The following TMUB2 variants were observed in gnomAD, a reference collection of about 807,000 sequenced individuals.
TMUB2 encodes the protein transmembrane and ubiquitin-like domain-containing protein 2.
A neutral mutation model predicts 20.2 loss-of-function variants in TMUB2; 19 were observed. The observed-to-expected ratio is 0.94, with a 90% confidence interval of 0.66 to 1.38. The LOEUF (loss-of-function observed/expected upper bound fraction) is 1.38. TMUB2 is among the 40% of genes most tolerant of loss of function. The pLI, the probability that TMUB2 is intolerant of heterozygous loss-of-function variation, is 0.00. For missense variants in TMUB2, 426 were observed against 402.5 expected, an observed-to-expected ratio of 1.06 and a Z score of -0.50; for synonymous variants, 186 against 166.0, an observed-to-expected ratio of 1.12 and a Z score of -0.92.
chr17:44,191,458 T>G lies in TMUB2; in HGVS notation c.*594T>G. 1.0e-6 allele frequency: 1 copy of G among 985,820 alleles called. No homozygotes were observed. The highest frequency in any genetic ancestry group is 1.2e-6 in the Non-Finnish European group (1 of 829,942). 61.1% of individuals were successfully genotyped at this position (985,820 alleles called of 1,614,324 possible). A position where few individuals can be genotyped will look rare whatever the true frequency, so the allele number is the denominator to read the frequency against. ...TCTTTCAAAGCACTTTGCTTGCATT[T>G]TATTTTATTTTTTTAAGAGTCCTTC... On this transcript the variant is annotated 3_prime_UTR_variant, in exon 4 of 4. Coordinates refer to ENST00000538716, the MANE Select transcript of TMUB2 (RefSeq NM_001076674.3).
At chr17:44,188,007 C>T (rs1328195374) in intron 2 of TMUB2, 2 of 513,556 alleles carry the variant, frequency 3.9e-6, no homozygotes, top group Admixed American at 6.7e-5. Context: ...GAAAGATGGA[C>T]AGGTACATAA....
Position 44,189,510 on chromosome 17 carries a change from C to T in TMUB2, c.524C>T (p.Thr175Ile), listed in dbSNP as rs2055046183. ...TCLPPSPGLI[T>I]VRLKFLNDTE... Reference sequence around the variant, plus strand: ...CTCCCTCCCAGCCCTGGCCTCATCACTGTGCGGCTCAAATTCCTCAATGAT... The same window carrying T: ...CTCCCTCCCAGCCCTGGCCTCATCATTGTGCGGCTCAAATTCCTCAATGAT... Residue 175 changes from threonine (T) to isoleucine (I), a missense_variant, in exon 3 of 4, where the codon ACT becomes ATT. Transcript: ENST00000538716. 1.2e-6 allele frequency: 2 copies of T among 1,613,736 alleles called. No homozygotes were observed. Among genetic ancestry groups the T allele is most frequent in the African/African-American group, 2.7e-5 (2 of 74,894 alleles).
chr17:44,190,403 T>G, intron 3 of TMUB2, 98 bp from the exon 4 acceptor site: 5 of 687,164 alleles, frequency 7.3e-6, no homozygotes, highest in African/African-American at 1.9e-5. Flanking sequence ...AAATCCACCC[T>G]CCAGTTTTTC....
At chr17:44,189,619 G>A in intron 3 of TMUB2, 31 bp downstream of exon 3, 1 of 1,525,320 alleles carries the variant, frequency 6.6e-7, no homozygotes, top group Non-Finnish European at 8.8e-7. Flanking sequence ...GAAGCTGCTT[G>A]TGCTCATCCC....
At position 44,189,040 on chromosome 17, in the gene TMUB2, C is replaced by T. The variant is rs1567748093; in HGVS notation, c.54C>T (p.Ser18=). The change falls in exon 3 of 4, where the codon AGC becomes AGT. Residue 18 remains serine (S), a synonymous_variant. Transcript: ENST00000538716. ...CCTGCAGCGTGGACCCTGCCAGCAG[C>T]CAGGCCATGGAGCTCTCTGATGTCA... is the stretch of plus-strand genomic sequence containing the variant. ...NNLMSVDPAS[S]QAMELSDVTL... The T allele has an allele frequency of 6.2e-7, 1 of 1,613,398 alleles. No homozygotes were observed. Among genetic ancestry groups the T allele is most frequent in the South Asian group, 1.1e-5 (1 of 91,018 alleles).
At position 44,191,512 on chromosome 17, in the gene TMUB2, CACCAA is replaced by C; in HGVS notation, c.*649_*653del. On this transcript the variant is annotated 3_prime_UTR_variant, in exon 4 of 4. Coordinates refer to ENST00000538716, the MANE Select transcript of TMUB2 (RefSeq NM_001076674.3). ...GAGCTCAGTCAGGAAGGGGATGGGG[CACCAA>C]GCCAAGCCCCCAGCATTGGGAGCGG... 2.0e-6 allele frequency: 2 copies of C among 985,996 alleles called. No individual in the cohort carries two copies. The highest frequency in any genetic ancestry group is 2.4e-6 in the Non-Finnish European group (2 of 830,036). The allele number at this position is 985,996 out of a possible 1,614,324, so 61.1% of individuals were successfully genotyped here. A position where few individuals can be genotyped will look rare whatever the true frequency, so the allele number is the denominator to read the frequency against.
intron 3 of TMUB2, 57 bp downstream of exon 3, chr17:44,189,645 C>T (rs2055072486): frequency 6.8e-7 from 1 of 1,479,474 alleles, no homozygotes; most frequent in Admixed American, 2.3e-5. Flanking sequence ...CCTTGGTTGC[C>T]TCTAAGGAGG....
chr17:44,189,778 C>A, intron 3 of TMUB2, 190 bp downstream of exon 3: 1 of 505,940 alleles, frequency 2.0e-6, no homozygotes, highest in South Asian at 3.5e-5. Flanking sequence ...TTTGGGAGGC[C>A]GAGGCGGGTG....
chr17:44,189,535 T>C lies in TMUB2; in HGVS notation c.549T>C (p.Asp183=). ...CTGTGCGGCTCAAATTCCTCAATGA[T>C]ACCGAGGAGCTGGCTGTGGCTAGGC... ...LITVRLKFLN[D]TEELAVARPE... The change falls in exon 3 of 4, where the codon GAT becomes GAC. Residue 183 remains aspartate (D), a synonymous_variant. Coordinates refer to ENST00000538716, the MANE Select transcript of TMUB2 (RefSeq NM_001076674.3). 6.2e-7 allele frequency: 1 copy of C among 1,613,074 alleles called. No individual in the cohort carries two copies. The highest frequency in any genetic ancestry group is 2.2e-5 in the East Asian group (1 of 44,862).
Position 44,189,433 on chromosome 17 carries a change from T to C in TMUB2, c.447T>C (p.Gly149=). 1 of 1,614,032 alleles carries C rather than the reference T, an allele frequency of 6.2e-7. No individual in the cohort carries two copies. Among genetic ancestry groups the C allele is most frequent in the Non-Finnish European group, 8.5e-7 (1 of 1,179,986 alleles). The change falls in exon 3 of 4, where the codon GGT becomes GGC. Residue 149 remains glycine (G), a synonymous_variant. Coordinates refer to ENST00000538716, the MANE Select transcript of TMUB2 (RefSeq NM_001076674.3). ...AAGGCCTGCCCAAAAGACAAGCAGGTGCAGGCAGCAGCAGTCCAGAGGCCC... is the reference window on the plus strand; with the variant it reads ...AAGGCCTGCCCAAAAGACAAGCAGGCGCAGGCAGCAGCAGTCCAGAGGCCC... ...DIQGLPKRQA[G]AGSSSPEAPL... is the part of the protein sequence containing the mutation.
Position 44,191,028 on chromosome 17 carries a change from T to G in TMUB2, c.*164T>G. On this transcript the variant is annotated 3_prime_UTR_variant, in exon 4 of 4. Coordinates refer to ENST00000538716, the MANE Select transcript of TMUB2 (RefSeq NM_001076674.3). ...GCAAGTATGCGGCCTCCCCTTCTCATCCACAGGAGTACAGATGTCCCTCCC... is the reference window on the plus strand; with the variant it reads ...GCAAGTATGCGGCCTCCCCTTCTCAGCCACAGGAGTACAGATGTCCCTCCC... 6.9e-7 allele frequency: 1 copy of G among 1,449,204 alleles called. No individual in the cohort carries two copies. The highest frequency in any genetic ancestry group is 9.0e-7 in the Non-Finnish European group (1 of 1,107,100). The allele number at this position is 1,449,204 out of a possible 1,614,324, so 89.8% of individuals were successfully genotyped here. A position where few individuals can be genotyped will look rare whatever the true frequency, so the allele number is the denominator to read the frequency against.
chr17:44,190,759 C>G lies in TMUB2; in HGVS notation c.861C>G (p.Tyr287Ter), dbSNP rs1318929922. ...TGGTGCTGTTGGGTGTGGTCTGGTA[C>G]TTCCGAATCAATTACCGCCAATTCT... ...VFVVLLGVVW[Y>*]FRINYRQFFT... Residue 287 changes from tyrosine (Y) to a stop codon, truncating the protein, a stop_gained, in exon 4 of 4, where the codon TAC (tyrosine) becomes TAG (stop). Transcript: ENST00000538716. LOFTEE classifies it high-confidence loss of function. The G allele has an allele frequency of 1.9e-6, 3 of 1,614,120 alleles. No homozygotes were observed. The African/African-American group carries it at 4.0e-5, about 22-fold the overall frequency.
rs546848304 is a variant in TMUB2, at chr17:44,188,310, G to C, written c.35+567G>C. 1.9e-3 allele frequency among the ~76,000 whole-genome samples: 288 copies of C among 152,310 alleles called. 1 individual carries two copies. Among genetic ancestry groups the C allele is most frequent in the Non-Finnish European group, 3.1e-3 (212 of 68,032 alleles). ...AGTGGGCCCATGGTGACCCAGGAAG[G>C]TGGTGCTTCTGGTGTCTGTCCCAAG... is the stretch of plus-strand genomic sequence containing the variant. On this transcript the variant is annotated intron_variant, in intron 2 of 3. Transcript: ENST00000538716.
chr17:44,191,866 G>A lies in TMUB2; in HGVS notation c.*1002G>A, dbSNP rs1175741065. 2 of 390,200 alleles carry A rather than the reference G, an allele frequency of 5.1e-6. No homozygotes were observed. Among genetic ancestry groups the A allele is most frequent in the Non-Finnish European group, 7.0e-6 (2 of 286,350 alleles). 24.2% of individuals were successfully genotyped at this position (390,200 alleles called of 1,614,324 possible). A position where few individuals can be genotyped will look rare whatever the true frequency, so the allele number is the denominator to read the frequency against. ...CATGGGGGCAGAGGGAATACACAGC[G>A]TTTACAAAGTTAGCTACCTGTACAG... On this transcript the variant is annotated 3_prime_UTR_variant, in exon 4 of 4. Transcript: ENST00000538716.
chr17:44,187,242 A>AC (rs1293090182), intron 1 of TMUB2, 133 bp downstream of exon 1: 2 of 160,020 alleles, frequency 1.2e-5, no homozygotes, highest in Non-Finnish European at 2.8e-5. Flanking sequence ...ACGGTTTGTG[A>AC]CCCCCTTAGC....
rs1319141827 is a variant in TMUB2 at position 44,191,922 on chromosome 17, C to G, written c.*1058C>G. The G allele has an allele frequency of 1.0e-5, 2 of 193,698 alleles. No homozygotes were observed. Among genetic ancestry groups the G allele is most frequent in the Non-Finnish European group, 1.9e-5 (2 of 105,942 alleles). 12.0% of individuals were successfully genotyped at this position (193,698 alleles called of 1,614,324 possible). A position where few individuals can be genotyped will look rare whatever the true frequency, so the allele number is the denominator to read the frequency against. ...ATTACATATGCAAAAATAAAAATCTCAAGACCACAGGACAGCGTGAGCCCC... is the reference window on the plus strand; with the variant it reads ...ATTACATATGCAAAAATAAAAATCTGAAGACCACAGGACAGCGTGAGCCCC... On this transcript the variant is annotated 3_prime_UTR_variant, in exon 4 of 4. Coordinates refer to ENST00000538716, the MANE Select transcript of TMUB2 (RefSeq NM_001076674.3).
Position 44,187,463 on chromosome 17 carries a change from C to T in TMUB2, c.-33-213C>T, listed in dbSNP as rs369887398. The T allele has an allele frequency of 6.7e-5, 38 of 567,480 alleles. No individual in the cohort carries two copies. The East Asian group carries it at 1.1e-3, about 16-fold the overall frequency. The allele number at this position is 567,480 out of a possible 1,614,324, so 35.2% of individuals were successfully genotyped here. A position where few individuals can be genotyped will look rare whatever the true frequency, so the allele number is the denominator to read the frequency against. ...ACAGGGTAGATCACAGGCTGAGGGA[C>T]AGAGCAAAGACCCCTGAGGCCGGAC... On this transcript the variant is annotated intron_variant, in intron 1 of 3. Coordinates refer to ENST00000538716, the MANE Select transcript of TMUB2 (RefSeq NM_001076674.3).
In TMUB2 at chr17:44,191,374, G is replaced by A. The variant is rs2055551190; in HGVS notation, c.*510G>A. 5.1e-6 allele frequency: 5 copies of A among 987,674 alleles called. No individual in the cohort carries two copies. The highest frequency in any genetic ancestry group is 4.8e-6 in the Non-Finnish European group (4 of 831,106). The allele number at this position is 987,674 out of a possible 1,614,324, so 61.2% of individuals were successfully genotyped here. On this transcript the variant is annotated 3_prime_UTR_variant, in exon 4 of 4. Coordinates refer to ENST00000538716, the MANE Select transcript of TMUB2 (RefSeq NM_001076674.3). ...AGATTGTGCCAGCCTTCTCTTATGG[G>A]CACCTAGCCGCCTTCACCTTCTTCC...
chr17:44,191,410 A>G lies in TMUB2; in HGVS notation c.*546A>G. On this transcript the variant is annotated 3_prime_UTR_variant, in exon 4 of 4. Transcript: ENST00000538716. ...CCTTCACCTTCTTCCTCTACCCCTT[A>G]GCAGGAATAGGGTGTCCTCCCTTCT... 1 of 986,888 alleles carries G rather than the reference A, an allele frequency of 1.0e-6. No individual in the cohort carries two copies. Among genetic ancestry groups the G allele is most frequent in the East Asian group, 1.1e-4 (1 of 8,830 alleles). 61.1% of individuals were successfully genotyped at this position (986,888 alleles called of 1,614,324 possible). A position where few individuals can be genotyped will look rare whatever the true frequency, so the allele number is the denominator to read the frequency against.
Sources: gnomAD v4.1 joint callset for allele counts (sites outside exome capture counted in the v4.1 genomes callset) on GRCh38, gnomAD v4.1.1 for gene constraint, MANE v1.5 for transcripts, NCBI Gene and HGNC (gene_info 2026-07-23, HGNC 2026-07-21) for gene names.